Variants in PTPRM observed in about 807,000 individuals in gnomAD.
PTPRM encodes protein tyrosine phosphatase receptor type M.
PTPRM carries 47 observed loss-of-function variants against 186.7 expected under a neutral mutation model. That is an observed-to-expected ratio of 0.25 (90% CI 0.20 to 0.32). The LOEUF is 0.32. PTPRM is among the 10% of genes least tolerant of loss of function. PTPRM has a pLI of 1.00. For synonymous variants in PTPRM, 668 were observed against 674.9 expected (o/e 0.99, Z 0.16); for missense variants, 1,494 against 1,865.0 (o/e 0.80, Z 3.66).
Position 8,048,579 on chromosome 18 carries a change from C to CT in PTPRM, c.1133-21101dup, listed in dbSNP as rs201453919. ...ATAGGCTCTTTTAAATTGAGGAAGT[C>CT]TTTTTTAAAAAAAAAAAAAGTTGGT... On this transcript the variant is annotated intron_variant, in intron 7 of 32. Coordinates refer to ENST00000580170, the MANE Select transcript of PTPRM (RefSeq NM_001105244.2). 2.2e-4 allele frequency among the ~76,000 whole-genome samples: 32 copies of CT among 148,460 alleles called. 1 individual carries two copies. The highest frequency in any genetic ancestry group is 4.3e-4 in the African/African-American group (17 of 39,540).
At chr18:8,111,768 C>T (rs545581715) in intron 11 of PTPRM, among the ~76,000 whole-genome samples, 1 of 152,206 alleles carries the variant, frequency 6.6e-6, no homozygotes, top group South Asian at 2.1e-4. Flanking sequence ...TCTCTCATTT[C>T]GTAGGAGAAA....
At chr18:7,922,798 T>TA (rs1555647229) in intron 4 of PTPRM, among the ~76,000 whole-genome samples, 2 of 151,824 alleles carry the variant, frequency 1.3e-5, no homozygotes, top group Admixed American at 6.6e-5. Flanking sequence ...GTTTAACTTA[T>TA]AAAAAAAAGG....
chr18:8,002,914 A>AT (rs1408065090), intron 7 of PTPRM, among the ~76,000 whole-genome samples: 4 of 152,142 alleles, frequency 2.6e-5, no homozygotes, highest in African/African-American at 7.2e-5. Context: ...AGGAGTTCTT[A>AT]TTTTTTTTAA....
intron 2 of PTPRM, among the ~76,000 whole-genome samples, chr18:7,831,451 A>G (rs1379444941): frequency 1.3e-5 from 2 of 152,100 alleles, no homozygotes; most frequent in African/African-American, 2.4e-5. Context: ...GTTCATAACC[A>G]TTTTATTTTT....
chr18:7,735,284 G>GTGGGCGGCGCCTGTAATA (rs1239781988), intron 1 of PTPRM, among the ~76,000 whole-genome samples: 1 of 152,114 alleles, frequency 6.6e-6, no homozygotes, highest in African/African-American at 2.4e-5. Flanking sequence ...GAGCATGGTG[G>GTGGGCGGCGCCTGTAATA]TGGGCGGCGC....
At chr18:7,782,201 A>G (rs970746808) in intron 2 of PTPRM, among the ~76,000 whole-genome samples, 1 of 152,084 alleles carries the variant, frequency 6.6e-6, no homozygotes, top group Non-Finnish European at 1.5e-5. Context: ...CCTCTTTTCC[A>G]TGTGCGTGGA....
intron 9 of PTPRM, among the ~76,000 whole-genome samples, chr18:8,083,052 G>A (rs1388336564): frequency 6.6e-6 from 1 of 151,678 alleles, no homozygotes; most frequent in Non-Finnish European, 1.5e-5. Context: ...GTCTGTACCA[G>A]CCCCACCTTA....
chr18:8,392,167 T>A (rs530734041), intron 31 of PTPRM, among the ~76,000 whole-genome samples: 51 of 152,216 alleles, frequency 3.4e-4, no homozygotes, highest in African/African-American at 1.2e-3. Flanking sequence ...GTGGATTTTT[T>A]AAAAAGCATC....
intron 1 of PTPRM, among the ~76,000 whole-genome samples, chr18:7,773,795 G>T (rs1193358740): frequency 6.6e-6 from 1 of 152,076 alleles, no homozygotes; most frequent in Non-Finnish European, 1.5e-5. Flanking sequence ...GGCCAGGCTG[G>T]CCTCGAACTC....
intron 3 of PTPRM, among the ~76,000 whole-genome samples, chr18:7,906,242 C>A (rs2049975746): frequency 6.6e-6 from 1 of 152,118 alleles, no homozygotes; most frequent in African/African-American, 2.4e-5. Context: ...CCCCGCAACC[C>A]CATGAAGTAT....
At chr18:8,193,569 C>T (rs1290069906) in intron 14 of PTPRM, among the ~76,000 whole-genome samples, 10 of 152,194 alleles carry the variant, frequency 6.6e-5, no homozygotes, top group Admixed American at 6.5e-4. Context: ...GGCCAGATGC[C>T]CTCCCCACAG....
At chr18:7,859,040 A>G (rs1170332630) in intron 2 of PTPRM, among the ~76,000 whole-genome samples, 1 of 152,246 alleles carries the variant, frequency 6.6e-6, no homozygotes, top group African/African-American at 2.4e-5. Flanking sequence ...CCCAAAGTGC[A>G]GGAAATATGA....
rs1599302192 is a variant in PTPRM, at chr18:7,888,372, T to G, written c.463T>G (p.Tyr155Asp). ...LAISTFWPNF[Y>D]QVIFEVITSG... The stretch of plus-strand genomic sequence containing the variant: ...CATTAGTACTTTCTGGCCTAACTTT[T>G]ATCAGGTATGTGCTTTCTTTTTATT... The change falls in exon 3 of 33, where the codon TAT becomes GAT. Residue 155 changes from tyrosine (Y) to aspartate (D), a missense_variant. This residue lies in a region of PTPRM where 296 missense variants were observed against 345.5 expected (regional missense o/e 0.86). Transcript: ENST00000580170. 1 of 1,605,740 alleles carries G rather than the reference T, an allele frequency of 6.2e-7. No homozygotes were observed. The highest frequency in any genetic ancestry group is 1.3e-5 in the African/African-American group (1 of 74,804).
intron 27 of PTPRM, among the ~76,000 whole-genome samples, chr18:8,378,843 A>G (rs2095712748): frequency 6.6e-6 from 1 of 152,082 alleles, no homozygotes; most frequent in Admixed American, 6.5e-5. Context: ...GATGTACCCG[A>G]GTCAAGGCCA....
chr18:7,603,218 G>A (rs985095294), intron 1 of PTPRM, among the ~76,000 whole-genome samples: 12 of 152,084 alleles, frequency 7.9e-5, no homozygotes, highest in Non-Finnish European at 1.6e-4. Flanking sequence ...GTGAGCCACC[G>A]TGCCCGGCCT....
At position 7,884,291 on chromosome 18, in the gene PTPRM, A is replaced by G. The variant is rs151163095; in HGVS notation, c.197-3815A>G. 5.9e-5 allele frequency among the ~76,000 whole-genome samples: 9 copies of G among 152,306 alleles called. 1 individual carries two copies. The East Asian group carries it at 1.7e-3, about 29-fold the overall frequency. ...GCTTGCCTTGTATGCATTCGTGGTT[A>G]ATTATGAGGCTGCATAGATACACCA... On this transcript the variant is annotated intron_variant, in intron 2 of 32. Coordinates refer to ENST00000580170, the MANE Select transcript of PTPRM (RefSeq NM_001105244.2).
At chr18:7,664,544 G>A (rs923192407) in intron 1 of PTPRM, among the ~76,000 whole-genome samples, 3 of 152,128 alleles carry the variant, frequency 2.0e-5, no homozygotes, top group Non-Finnish European at 4.4e-5. Context: ...GTCTAGGAGC[G>A]CATCCCAGGT....
intron 1 of PTPRM, among the ~76,000 whole-genome samples, chr18:7,580,199 C>T (rs1424026200): frequency 6.6e-6 from 1 of 152,134 alleles, no homozygotes; most frequent in Non-Finnish European, 1.5e-5. Flanking sequence ...ATTAGTTTGT[C>T]AGATGGCACA....
At chr18:7,600,525 A>G (rs576258677) in intron 1 of PTPRM, among the ~76,000 whole-genome samples, 1 of 152,326 alleles carries the variant, frequency 6.6e-6, no homozygotes, top group South Asian at 2.1e-4. Flanking sequence ...AGACCTCATC[A>G]GTCTGTGGCT....
Sources: gnomAD v4.1 joint callset for allele counts (sites outside exome capture counted in the v4.1 genomes callset) on GRCh38, gnomAD v4.1.1 for gene constraint, gnomAD v4.1.1 regional missense constraint, MANE v1.5 for transcripts, NCBI Gene and HGNC (gene_info 2026-07-23, HGNC 2026-07-21) for gene names.